ALDH1A2: variants seen among roughly 807,000 people sequenced by gnomAD.
ALDH1A2 encodes the protein retinal dehydrogenase 2.
In ALDH1A2, 27 loss-of-function variants were observed where a neutral mutation model predicts 60.3. The observed-to-expected ratio is 0.45, with a 90% CI of 0.33 to 0.62. The LOEUF (loss-of-function observed/expected upper bound fraction) is 0.62, where lower values mean the gene tolerates loss of function less well. Among genes scored for constraint, ALDH1A2 ranks in the 20% least tolerant of loss-of-function variants. The pLI is 0.02. For missense variants in ALDH1A2, 581 were observed against 643.8 expected, an observed-to-expected ratio of 0.90 and a Z score of 1.06; for synonymous variants, 289 against 232.4, an observed-to-expected ratio of 1.24 and a Z score of -2.21.
rs144094998 is a variant in ALDH1A2, at chr15:57,999,473, C to T, written c.494-4334G>A. ...TCAATGATCATTAGAGAAATGCAAT[C>T]TAAACCACAATGAGAAACCATCTCA... On this transcript the variant is annotated intron_variant, in intron 4 of 12. Coordinates refer to ENST00000249750, the MANE Select transcript of ALDH1A2 (RefSeq NM_003888.4). Among the ~76,000 whole-genome samples the T allele has an allele frequency of 2.4e-4, 36 of 152,096 alleles. 1 individual carries two copies. The East Asian group carries it at 6.8e-3, about 29-fold the overall frequency.
chr15:58,030,487 G>A (rs150555143), intron 1 of ALDH1A2, among the ~76,000 whole-genome samples: 1 of 152,256 alleles, frequency 6.6e-6, no homozygotes, highest in Non-Finnish European at 1.5e-5. Flanking sequence ...CACAAGACAA[G>A]GATGCCCTCC....
At chr15:58,060,461 A>AATTTTTTTTTTTTTTT (rs1566964196) in intron 1 of ALDH1A2, among the ~76,000 whole-genome samples, 1 of 111,796 alleles carries the variant, frequency 8.9e-6, no homozygotes, top group African/African-American at 3.3e-5. Context: ...TGCCACACAT[A>AATTTTTTTTTTTTTTT]TCTTTTTTTT....
At chr15:57,986,194 C>T (rs1271276306) in intron 7 of ALDH1A2, among the ~76,000 whole-genome samples, 1 of 152,130 alleles carries the variant, frequency 6.6e-6, no homozygotes, top group African/African-American at 2.4e-5. Flanking sequence ...CATTGGATAT[C>T]AGGCAGTATG....
chr15:58,015,018 A>C (rs1177291313), intron 1 of ALDH1A2, among the ~76,000 whole-genome samples: 5 of 152,218 alleles, frequency 3.3e-5, no homozygotes, highest in African/African-American at 4.8e-5. Context: ...TTCTCACAAG[A>C]TTTGTAATAA....
At chr15:57,991,366 T>C (rs1894890908) in intron 7 of ALDH1A2, 1 of 152,184 alleles carries the variant, frequency 6.6e-6, no homozygotes, top group South Asian at 2.1e-4. Context: ...AATAAAATAT[T>C]TGGAAACAAA....
chr15:57,996,192 T>C (rs1437066260), intron 4 of ALDH1A2, among the ~76,000 whole-genome samples: 1 of 152,080 alleles, frequency 6.6e-6, no homozygotes, highest in Non-Finnish European at 1.5e-5. Flanking sequence ...ATGAATCAGA[T>C]TGTTTATCAC....
At chr15:57,975,948 TATCA>T (rs1894240592) in intron 7 of ALDH1A2, among the ~76,000 whole-genome samples, 1 of 152,154 alleles carries the variant, frequency 6.6e-6, no homozygotes, top group Non-Finnish European at 1.5e-5. Context: ...GGCCAAGACT[TATCA>T]AATTGTACAC....
intron 1 of ALDH1A2, among the ~76,000 whole-genome samples, chr15:58,030,639 C>T (rs972636647): frequency 2.6e-5 from 4 of 152,186 alleles, no homozygotes; most frequent in Middle Eastern, 3.4e-3. Flanking sequence ...ATTTCGAAAA[C>T]CCCATTGTGT....
chr15:58,006,804 C>T (rs1361370516), intron 4 of ALDH1A2, among the ~76,000 whole-genome samples: 1 of 147,062 alleles, frequency 6.8e-6, no homozygotes, highest in Non-Finnish European at 1.5e-5. Flanking sequence ...CACAAATTCT[C>T]AGCTGGGGTT....
At chr15:57,962,200 C>T (rs1489947637) in intron 9 of ALDH1A2, 24 bp from the exon 10 acceptor site, 1 of 1,611,682 alleles carries the variant, frequency 6.2e-7, no homozygotes, top group Non-Finnish European at 8.5e-7. Flanking sequence ...GACTTAATGA[C>T]TCCAAATATA....
intron 12 of ALDH1A2, among the ~76,000 whole-genome samples, chr15:57,956,584 T>C (rs1295126816): frequency 1.3e-5 from 2 of 152,136 alleles, no homozygotes; most frequent in Admixed American, 6.5e-5. Context: ...CCTGTCCGTA[T>C]AGTTCATTTC....
chr15:57,961,424 A>T (rs1893716515), intron 10 of ALDH1A2, 130 bp from the exon 11 acceptor site: 1 of 1,150,440 alleles, frequency 8.7e-7, no homozygotes, highest in Non-Finnish European at 1.3e-6. Context: ...AAAACTGTAA[A>T]ATCTCCCAAC....
At chr15:58,040,048 A>T (rs1453283454) in intron 1 of ALDH1A2, among the ~76,000 whole-genome samples, 1 of 151,936 alleles carries the variant, frequency 6.6e-6, no homozygotes, top group Non-Finnish European at 1.5e-5. Flanking sequence ...CAACATTCAC[A>T]AGCACTTATT....
chr15:57,993,090 C>G lies in ALDH1A2; in HGVS notation c.556-17G>C. On this transcript the variant is annotated splice_polypyrimidine_tract_variant and intron_variant, in intron 5 of 12. Coordinates refer to ENST00000249750, the MANE Select transcript of ALDH1A2 (RefSeq NM_003888.4). Reference sequence around the variant, plus strand: ...GAAGTTCCACTGAAAGGAAAAAACTCAAAGTTGATAGATGGAAAAACATTC... The same window carrying G: ...GAAGTTCCACTGAAAGGAAAAAACTGAAAGTTGATAGATGGAAAAACATTC... 1.2e-6 allele frequency: 2 copies of G among 1,610,962 alleles called. No homozygotes were observed. Among genetic ancestry groups the G allele is most frequent in the East Asian group, 2.2e-5 (1 of 44,882 alleles).
At chr15:58,017,065 T>C (rs563757707) in intron 1 of ALDH1A2, among the ~76,000 whole-genome samples, 7 of 152,268 alleles carry the variant, frequency 4.6e-5, no homozygotes, top group South Asian at 2.1e-4. Context: ...AAACTGACCA[T>C]AGAAGCAAAA....
intron 4 of ALDH1A2, among the ~76,000 whole-genome samples, chr15:58,008,709 G>A (rs1235060920): frequency 6.6e-6 from 1 of 152,012 alleles, no homozygotes; most frequent in Non-Finnish European, 1.5e-5. Context: ...CAGGTGGAGT[G>A]GGGACCAAAA....
At chr15:58,060,568 AC>A (rs1897004935) in intron 1 of ALDH1A2, among the ~76,000 whole-genome samples, 1 of 142,946 alleles carries the variant, frequency 7.0e-6, no homozygotes, top group South Asian at 2.2e-4. Flanking sequence ...GCTGATAAGT[AC>A]CTTTCTGACC....
At chr15:58,034,734 ATT>A (rs1474149667) in intron 1 of ALDH1A2, among the ~76,000 whole-genome samples, 1 of 151,454 alleles carries the variant, frequency 6.6e-6, no homozygotes, top group African/African-American at 2.4e-5. Flanking sequence ...TGATCTCCTG[ATT>A]TTTTCTTTGT....
intron 12 of ALDH1A2, among the ~76,000 whole-genome samples, chr15:57,958,174 A>G (rs1466767342): frequency 6.6e-6 from 1 of 151,686 alleles, no homozygotes; most frequent in African/African-American, 2.4e-5. Flanking sequence ...CATCACCCAG[A>G]CTGGAGGTGA....
Sources: gnomAD v4.1 joint callset for allele counts (sites outside exome capture counted in the v4.1 genomes callset) on GRCh38, gnomAD v4.1.1 for gene constraint, MANE v1.5 for transcripts, NCBI Gene and HGNC (gene_info 2026-07-23, HGNC 2026-07-21) for gene names.